The following PCDHGA5 variants were observed in gnomAD, a reference collection of about 807,000 sequenced individuals.
PCDHGA5 encodes protocadherin gamma-A5.
A neutral mutation model predicts 56.7 loss-of-function variants in PCDHGA5; 36 were observed. The ratio of observed to expected loss-of-function variants is 0.64; its 90% confidence interval spans 0.49 to 0.84. The LOEUF (loss-of-function observed/expected upper bound fraction) is 0.84. Ranked by LOEUF, PCDHGA5 falls within the 40% of genes least tolerant of loss-of-function variation. The probability of loss-of-function intolerance (pLI) is 0.00; values close to 1 mark genes in which losing one functional copy is unlikely to be tolerated. For synonymous variants in PCDHGA5, 563 were observed against 520.2 expected (o/e 1.08, Z -1.12); for missense variants, 1,305 against 1,201.5 (o/e 1.09, Z -1.27).
chr5:141,492,998 C>A (rs2154589328), intron 1 of PCDHGA5, among the ~76,000 whole-genome samples: 1 of 152,334 alleles, frequency 6.6e-6, no homozygotes, highest in Admixed American at 6.5e-5. Flanking sequence ...AGATGGAAAG[C>A]TATAGGCTCT....
chr5:141,383,462 A>G (rs2072315), intron 1 of PCDHGA5: 731,761 of 1,613,122 alleles, frequency 0.45, 173,214 homozygotes, highest in African/African-American at 0.81. Flanking sequence ...GGAGACGATG[A>G]AACTAAGTAC....
chr5:141,364,740 A>T lies in PCDHGA5; in HGVS notation c.410A>T (p.Glu137Val). ...AACTTCCCGCGTTTCCGGGATGAAG[A>T]GTTAAAAGTAAAAGTTAATGAAAAT... ...NDNFPRFRDE[E>V]LKVKVNENAA... Residue 137 changes from glutamate to valine, a missense_variant, in exon 1 of 4, where the codon GAG becomes GTG. Transcript: ENST00000518069. 1 of 1,613,970 alleles carries T rather than the reference A, an allele frequency of 6.2e-7. No individual in the cohort carries two copies. The highest frequency in any genetic ancestry group is 1.6e-4 in the Middle Eastern group (1 of 6,062).
At chr5:141,394,621 G>C (rs1231814252) in intron 1 of PCDHGA5, 1 of 1,613,408 alleles carries the variant, frequency 6.2e-7, no homozygotes, top group African/African-American at 1.3e-5. Flanking sequence ...CAGAACGCCT[G>C]GCTGTCCTAC....
At chr5:141,462,314 A>C (rs1283684392) in intron 1 of PCDHGA5, among the ~76,000 whole-genome samples, 1 of 152,186 alleles carries the variant, frequency 6.6e-6, no homozygotes, top group Non-Finnish European at 1.5e-5. Flanking sequence ...TATATTTGTC[A>C]CTGATTTCTA....
At chr5:141,412,441 G>C (rs1334085357) in intron 1 of PCDHGA5, 1 of 152,124 alleles carries the variant, frequency 6.6e-6, no homozygotes, top group African/African-American at 2.4e-5. Flanking sequence ...GTTAATTAAG[G>C]CTCAGTAAAA....
chr5:141,443,788 A>C (rs1468852602), intron 1 of PCDHGA5, among the ~76,000 whole-genome samples: 2 of 152,224 alleles, frequency 1.3e-5, no homozygotes, highest in African/African-American at 4.8e-5. Context: ...AGACAAAAAA[A>C]ATGAAAAGGA....
At chr5:141,410,370 C>T (rs780808768) in intron 1 of PCDHGA5, 2 of 1,614,060 alleles carry the variant, frequency 1.2e-6, no homozygotes, top group South Asian at 2.2e-5. Flanking sequence ...AGCCCTGCTA[C>T]TTGGGACTGC....
Position 141,432,149 on chromosome 5 carries a change from A to G in PCDHGA5, c.2422-62658A>G. The G allele has an allele frequency of 6.2e-7, 1 of 1,613,964 alleles. No individual in the cohort carries two copies. The highest frequency in any genetic ancestry group is 8.5e-7 in the Non-Finnish European group (1 of 1,179,986). On this transcript the variant is annotated intron_variant, in intron 1 of 3. Transcript: ENST00000518069. This position sits in a 1 kb window ranked among gnomAD's most constrained non-coding sequence, Gnocchi z 6.0. Reference sequence around the variant, plus strand: ...CTCCTATTCCGCTTATATCCCAGAGAACAATCCCAGAGGAGTTTCCCTCGT... The same window carrying G: ...CTCCTATTCCGCTTATATCCCAGAGGACAATCCCAGAGGAGTTTCCCTCGT...
At chr5:141,381,445 G>C (rs1777202904) in intron 1 of PCDHGA5, among the ~76,000 whole-genome samples, 1 of 152,248 alleles carries the variant, frequency 6.6e-6, no homozygotes. Context: ...TGTCAGGACA[G>C]TCCTGCATTT....
intron 1 of PCDHGA5, chr5:141,372,232 A>G: frequency 6.2e-7 from 1 of 1,613,396 alleles, no homozygotes; most frequent in Non-Finnish European, 8.5e-7. Context: ...CAGGCCAGCG[A>G]GCCCGGGCTG....
intron 1 of PCDHGA5, chr5:141,383,844 T>C (rs569088165): frequency 2.5e-6 from 4 of 1,613,924 alleles, no homozygotes; most frequent in Non-Finnish European, 3.4e-6. Context: ...CTGCCTTCTA[T>C]GAAATGGAGG....
At chr5:141,405,047 G>T (rs754907464) in intron 1 of PCDHGA5, 1 of 1,613,944 alleles carries the variant, frequency 6.2e-7, no homozygotes, top group Non-Finnish European at 8.5e-7. Flanking sequence ...GGCTGTGGCA[G>T]TCGTCTCCTG....
chr5:141,395,542 TTGTGTG>T (rs55729045), intron 1 of PCDHGA5: 20,097 of 170,756 alleles, frequency 0.12, 1,101 homozygotes, highest in Admixed American at 0.15. Context: ...TTGCTATTGT[TTGTGTG>T]TGTGTGTGTG....
rs1263728099 is a variant in PCDHGA5, at chr5:141,476,079, G to T, written c.2422-18728G>T. Reference sequence around the variant, plus strand: ...AGTTTCTCAGCGAAATCTCAGGGACGATCTGGACCCCGCTGAGAGGAACTG... The same window carrying T: ...AGTTTCTCAGCGAAATCTCAGGGACTATCTGGACCCCGCTGAGAGGAACTG... On this transcript the variant is annotated intron_variant, in intron 1 of 3. Coordinates refer to ENST00000518069, the MANE Select transcript of PCDHGA5 (RefSeq NM_018918.3). This position sits in a 1 kb window ranked among gnomAD's most constrained non-coding sequence, Gnocchi z 7.6. 3 of 1,537,560 alleles carry T rather than the reference G, an allele frequency of 2.0e-6. No homozygotes were observed. Among genetic ancestry groups the T allele is most frequent in the African/African-American group, 1.4e-5 (1 of 72,808 alleles).
intron 1 of PCDHGA5, among the ~76,000 whole-genome samples, chr5:141,472,178 A>G (rs1337942457): frequency 6.6e-6 from 1 of 152,210 alleles, no homozygotes; most frequent in African/African-American, 2.4e-5. Flanking sequence ...AATATCCAGT[A>G]TTGGAATTTG....
In PCDHGA5 at chr5:141,438,327, A is replaced by G. The variant is rs369043587; in HGVS notation, c.2422-56480A>G. 1.5e-4 allele frequency among the ~76,000 whole-genome samples: 23 copies of G among 152,106 alleles called. No homozygotes were observed. The East Asian group carries it at 4.1e-3, about 27-fold the overall frequency. ...TTGGTACCACCATAATTTTTCTTAT[A>G]CATGTCATATAAGGATCTACTCTGT... On this transcript the variant is annotated intron_variant, in intron 1 of 3. Transcript: ENST00000518069.
Position 141,486,453 on chromosome 5 carries a change from C to T in PCDHGA5, c.2422-8354C>T, listed in dbSNP as rs776820667. 6.2e-6 allele frequency: 10 copies of T among 1,614,114 alleles called. No homozygotes were observed. The highest frequency in any genetic ancestry group is 1.1e-5 in the South Asian group (1 of 91,082). On this transcript the variant is annotated intron_variant, in intron 1 of 3. Transcript: ENST00000518069. The surrounding 1 kb of genome is among the most constrained non-coding windows in gnomAD (Gnocchi z 5.0). ...TCTAGCTATGACATCATGGTCACTGCTTCTGATGCTGGGAACCCTCCTCTC... is the reference window on the plus strand; with the variant it reads ...TCTAGCTATGACATCATGGTCACTGTTTCTGATGCTGGGAACCCTCCTCTC...
At chr5:141,482,530 CAAA>C (rs3074545) in intron 1 of PCDHGA5, among the ~76,000 whole-genome samples, 29 of 76,552 alleles carry the variant, frequency 3.8e-4, no homozygotes, top group African/African-American at 9.1e-4. Context: ...GACAGACATG[CAAA>C]AAAAAAAAAA....
At chr5:141,509,454 G>T (rs1164813611) in intron 3 of PCDHGA5, among the ~76,000 whole-genome samples, 2 of 151,976 alleles carry the variant, frequency 1.3e-5, no homozygotes, top group African/African-American at 2.4e-5. Flanking sequence ...TCCCACCCCC[G>T]ACCCAGTCAG....
Sources: gnomAD v4.1 joint callset for allele counts (sites outside exome capture counted in the v4.1 genomes callset) on GRCh38, gnomAD v4.1.1 for gene constraint, Gnocchi (gnomAD v3.1) non-coding constraint, MANE v1.5 for transcripts, NCBI Gene and HGNC (gene_info 2026-07-23, HGNC 2026-07-21) for gene names.